ADAMTS7: variants seen among roughly 807,000 people sequenced by gnomAD.
ADAMTS7 encodes A disintegrin and metalloproteinase with thrombospondin motifs 7.
ADAMTS7 carries 89 observed loss-of-function variants against 172.6 expected under a neutral mutation model. The observed-to-expected ratio is 0.52, with a 90% CI of 0.43 to 0.61. ADAMTS7 has a LOEUF of 0.61. ADAMTS7 is among the 20% of genes least tolerant of loss of function. The pLI, the probability that ADAMTS7 is intolerant of heterozygous loss-of-function variation, is 0.00. For missense variants in ADAMTS7, 1,973 were observed against 2,355.6 expected (o/e 0.84, Z 3.36); for synonymous variants, 885 against 978.4 (o/e 0.90, Z 1.78).
chr15:78,783,801 A>T (rs539576226), intron 8 of ADAMTS7, among the ~76,000 whole-genome samples: 1 of 152,308 alleles, frequency 6.6e-6, no homozygotes, highest in African/African-American at 2.4e-5. Flanking sequence ...ACTTTTGAGC[A>T]CTAACATGAT....
chr15:78,772,021 G>A (rs1003387231), intron 14 of ADAMTS7, among the ~76,000 whole-genome samples, 192 bp from the exon 15 acceptor site: 5 of 152,254 alleles, frequency 3.3e-5, no homozygotes, highest in South Asian at 2.1e-4. Flanking sequence ...TCCTGACCCC[G>A]TGGCCATGCC....
chr15:78,777,079 C>T (rs1339836095), intron 9 of ADAMTS7: 15 of 571,742 alleles, frequency 2.6e-5, no homozygotes, highest in South Asian at 4.6e-5. Context: ...ACACCTCTCC[C>T]GGCCCAGCCC....
chr15:78,769,444 C>T (rs886515272), intron 16 of ADAMTS7, among the ~76,000 whole-genome samples: 4 of 152,348 alleles, frequency 2.6e-5, no homozygotes, highest in Admixed American at 2.6e-4. Context: ...TGAAAACACA[C>T]CCCACTGCCG....
chr15:78,788,217 G>C lies in ADAMTS7; in HGVS notation c.1322+14C>G. On this transcript the variant is annotated intron_variant, in intron 8 of 23. Coordinates refer to ENST00000388820, the MANE Select transcript of ADAMTS7 (RefSeq NM_014272.5). ...ATGGATCAAGGTATAGGGGCCCAGG[G>C]CTGGGGGACTTACTCAAGGAACCTG... is the stretch of plus-strand genomic sequence containing the variant. 1 of 1,613,212 alleles carries C rather than the reference G, an allele frequency of 6.2e-7. No individual in the cohort carries two copies. The highest frequency in any genetic ancestry group is 8.5e-7 in the Non-Finnish European group (1 of 1,179,942).
At chr15:78,768,656 G>C (rs954837657) in intron 16 of ADAMTS7, among the ~76,000 whole-genome samples, 1 of 152,220 alleles carries the variant, frequency 6.6e-6, no homozygotes, top group African/African-American at 2.4e-5. Flanking sequence ...GTGTGTTCTT[G>C]CATGTGCAGG....
chr15:78,790,859 C>T (rs2055570384), intron 5 of ADAMTS7, 65 bp from the exon 6 acceptor site: 18 of 1,596,784 alleles, frequency 1.1e-5, no homozygotes, highest in Non-Finnish European at 1.5e-5. Context: ...GCCCAATTCT[C>T]CCCCATACGA....
chr15:78,790,946 C>T, intron 5 of ADAMTS7, 152 bp from the exon 6 acceptor site: 2 of 1,323,922 alleles, frequency 1.5e-6, no homozygotes, highest in Non-Finnish European at 2.1e-6. Flanking sequence ...ACCATCCCTC[C>T]TGTAGGAACC....
Position 78,761,802 on chromosome 15 carries a change from G to C in ADAMTS7, c.4903+601C>G, listed in dbSNP as rs144669400. 9.2e-4 allele frequency: 907 copies of C among 981,988 alleles called. 8 individuals carry two copies. In the African/African-American group the frequency reaches 0.015, roughly 16 times the overall value. 60.8% of individuals were successfully genotyped at this position (981,988 alleles called of 1,614,324 possible). A position where few individuals can be genotyped will look rare whatever the true frequency, so the allele number is the denominator to read the frequency against. ...CTGGAGGCGGCGGCAGGGGTGTCCA[G>C]AACCACCTCTACCTCAGGCCCTTCC... On this transcript the variant is annotated intron_variant, in intron 23 of 23. Transcript: ENST00000388820.
chr15:78,765,521 G>A, intron 19 of ADAMTS7, 124 bp downstream of exon 19: 1 of 1,486,442 alleles, frequency 6.7e-7, no homozygotes. Flanking sequence ...CTAATCCTGG[G>A]AACCCCTGCC....
intron 14 of ADAMTS7, among the ~76,000 whole-genome samples, chr15:78,772,610 T>G (rs2055269246): frequency 6.6e-6 from 1 of 152,252 alleles, no homozygotes; most frequent in Non-Finnish European, 1.5e-5. Context: ...GCCAGGACCT[T>G]CTTCCTCAGT....
At chr15:78,809,368 G>T (rs1170841014) in intron 1 of ADAMTS7, among the ~76,000 whole-genome samples, 1 of 152,112 alleles carries the variant, frequency 6.6e-6, no homozygotes, top group Non-Finnish European at 1.5e-5. Context: ...TCCTGAGGGA[G>T]TGCAGAACAG....
chr15:78,796,843 C>G (rs1283209388), intron 3 of ADAMTS7, 57 bp from the exon 4 acceptor site: 5 of 1,453,090 alleles, frequency 3.4e-6, no homozygotes, highest in Non-Finnish European at 4.6e-6. Flanking sequence ...GGGCACACGT[C>G]TCCAGGGCCT....
chr15:78,793,711 G>C (rs898222861), intron 4 of ADAMTS7, among the ~76,000 whole-genome samples: 6 of 152,206 alleles, frequency 3.9e-5, no homozygotes, highest in African/African-American at 1.4e-4. Flanking sequence ...ATCCCAGGTA[G>C]AGCGATGGCT....
intron 11 of ADAMTS7, 140 bp from the exon 12 acceptor site, chr15:78,774,933 CT>C (rs1403569758): frequency 9.2e-7 from 1 of 1,085,028 alleles, no homozygotes; most frequent in Non-Finnish European, 1.3e-6. Flanking sequence ...GCTCCCCTCC[CT>C]TGGGCTGCCC....
chr15:78,762,688 C>A (rs999598641), intron 22 of ADAMTS7, 123 bp from the exon 23 acceptor site: 2 of 794,628 alleles, frequency 2.5e-6, no homozygotes, highest in South Asian at 4.1e-5. Context: ...TGCTCCCAGC[C>A]GCCCCCTCAG....
At chr15:78,787,177 T>C (rs2055513220) in intron 8 of ADAMTS7, among the ~76,000 whole-genome samples, 1 of 151,992 alleles carries the variant, frequency 6.6e-6, no homozygotes, top group Non-Finnish European at 1.5e-5. Flanking sequence ...TACATGGATT[T>C]TCAATTGCAC....
intron 17 of ADAMTS7, among the ~76,000 whole-genome samples, chr15:78,767,885 G>C (rs1225799074): frequency 1.3e-5 from 2 of 151,406 alleles, no homozygotes; most frequent in African/African-American, 4.9e-5. Context: ...AGGTGTCCAG[G>C]CTGGCCTAGG....
intron 1 of ADAMTS7, among the ~76,000 whole-genome samples, chr15:78,802,818 G>C (rs1282661510): frequency 6.6e-6 from 1 of 152,066 alleles, no homozygotes; most frequent in Non-Finnish European, 1.5e-5. Context: ...CCAACATAGT[G>C]AAACCCCATC....
intron 8 of ADAMTS7, among the ~76,000 whole-genome samples, chr15:78,785,207 C>T (rs569484651): frequency 3.9e-5 from 6 of 151,980 alleles, no homozygotes; most frequent in African/African-American, 1.5e-4. Context: ...ATCTGGAAGG[C>T]CTGGAGAAGC....
Sources: allele counts gnomAD v4.1 joint callset (sites outside exome capture counted in the v4.1 genomes callset), GRCh38; gene constraint gnomAD v4.1.1; transcripts MANE v1.5; gene names NCBI Gene and HGNC (gene_info 2026-07-23, HGNC 2026-07-21).